The following UBASH3B variants were observed in gnomAD, a reference collection of about 807,000 sequenced individuals.
UBASH3B encodes the protein ubiquitin-associated and SH3 domain-containing protein B.
Under a neutral mutation model 83.4 loss-of-function variants are expected in UBASH3B, and 37 were observed. The ratio of observed to expected loss-of-function variants is 0.44; its 90% CI spans 0.34 to 0.58. The LOEUF is 0.58. UBASH3B is among the 20% of genes least tolerant of loss of function. The pLI, the probability that UBASH3B is intolerant of heterozygous loss-of-function variation, is 0.01. For synonymous variants in UBASH3B, 304 were observed against 318.3 expected (o/e 0.96, Z 0.48); for missense variants, 657 against 827.2 (o/e 0.79, Z 2.52).
chr11:122,664,438 A>G (rs61679561), intron 1 of UBASH3B, among the ~76,000 whole-genome samples: 51,370 of 151,944 alleles, frequency 0.34, 8,963 homozygotes, highest in Non-Finnish European at 0.38. Context: ...TGAGATGACT[A>G]TGATCCTCAT....
chr11:122,768,506 G>GTGTGTGTA (rs1555144506), intron 1 of UBASH3B, among the ~76,000 whole-genome samples: 1 of 126,104 alleles, frequency 7.9e-6, no homozygotes, highest in Non-Finnish European at 1.7e-5. Flanking sequence ...GTGTGTGTGT[G>GTGTGTGTA]TGTATATATA....
At chr11:122,690,604 A>G (rs1863882367) in intron 1 of UBASH3B, among the ~76,000 whole-genome samples, 1 of 152,096 alleles carries the variant, frequency 6.6e-6, no homozygotes, top group African/African-American at 2.4e-5. Flanking sequence ...ATCCCTTGCC[A>G]ATATCTTCTG....
chr11:122,699,531 C>CTCTTTTTCTT (rs1555137138), intron 1 of UBASH3B, among the ~76,000 whole-genome samples: 2 of 107,866 alleles, frequency 1.9e-5, no homozygotes, highest in African/African-American at 3.5e-5. Context: ...TTCTTTCTTT[C>CTCTTTTTCTT]TCTTTCTTTC....
intron 1 of UBASH3B, among the ~76,000 whole-genome samples, chr11:122,724,556 G>A: frequency 6.6e-6 from 1 of 152,184 alleles, no homozygotes; most frequent in East Asian, 1.9e-4. Context: ...TCAGAGGACT[G>A]CGGGGACACA....
intron 1 of UBASH3B, chr11:122,775,511 A>G (rs959236549): frequency 1.5e-4 from 23 of 152,264 alleles, no homozygotes; most frequent in Admixed American, 1.3e-4. Flanking sequence ...GAGGGAGGCA[A>G]TGAATTGATC....
chr11:122,659,610 T>A (rs762444404), intron 1 of UBASH3B, among the ~76,000 whole-genome samples: 49 of 152,358 alleles, frequency 3.2e-4, no homozygotes, highest in Non-Finnish European at 4.4e-4. Context: ...CGGGCTTAGC[T>A]CATCAGAAGC....
In UBASH3B at chr11:122,792,301, T is replaced by TTG. The variant is rs774103956; in HGVS notation, c.981-2400_981-2399insGT. Among the ~76,000 whole-genome samples the TTG allele has an allele frequency of 4.8e-3, 535 of 111,874 alleles. 3 individuals carry two copies. Among genetic ancestry groups the TTG allele is most frequent in the Non-Finnish European group, 8.5e-3 (432 of 50,944 alleles). 73.4% of individuals were successfully genotyped at this position (111,874 alleles called of 152,430 possible). ...AGTCAGACAATAAAACTGGATTTTC[T>TTG]TTTTTTTTTTCTTTTTTTTTTTTTT... On this transcript the variant is annotated intron_variant, in intron 6 of 13. Coordinates refer to ENST00000284273, the MANE Select transcript of UBASH3B (RefSeq NM_032873.5).
chr11:122,682,578 G>A (rs1276235663), intron 1 of UBASH3B, among the ~76,000 whole-genome samples: 1 of 152,118 alleles, frequency 6.6e-6, no homozygotes, highest in Non-Finnish European at 1.5e-5. Context: ...TGAGATGCAC[G>A]TCTCTTTCTA....
chr11:122,785,336 G>A (rs1027162103), intron 5 of UBASH3B, among the ~76,000 whole-genome samples: 2 of 152,170 alleles, frequency 1.3e-5, no homozygotes, highest in Non-Finnish European at 2.9e-5. Context: ...GTCTGCACAC[G>A]TAACCCTCTT....
intron 3 of UBASH3B, 173 bp from the exon 4 acceptor site, chr11:122,779,324 T>A: frequency 1.5e-6 from 1 of 670,244 alleles, no homozygotes; most frequent in South Asian, 1.8e-5. Flanking sequence ...GGGTAATCTG[T>A]GTCTGAATAA....
intron 1 of UBASH3B, among the ~76,000 whole-genome samples, chr11:122,702,650 G>A (rs183302954): frequency 2.6e-5 from 4 of 151,836 alleles, no homozygotes; most frequent in Admixed American, 1.3e-4. Context: ...TCAGCCTCTC[G>A]AGTAGCTGAG....
At chr11:122,703,150 G>T (rs1229143128) in intron 1 of UBASH3B, among the ~76,000 whole-genome samples, 1 of 152,024 alleles carries the variant, frequency 6.6e-6, no homozygotes, top group Non-Finnish European at 1.5e-5. Context: ...TCTTTGGCCG[G>T]GCACGGTGGC....
chr11:122,678,395 GTCTGGCTGACCCATGT>G (rs1296094859), intron 1 of UBASH3B, among the ~76,000 whole-genome samples: 1 of 152,162 alleles, frequency 6.6e-6, no homozygotes, highest in Non-Finnish European at 1.5e-5. Context: ...GCCTAGATCT[GTCTGGCTGACCCATGT>G]TCCTTTGAGT....
At chr11:122,743,655 T>C (rs1861063809) in intron 1 of UBASH3B, among the ~76,000 whole-genome samples, 1 of 152,172 alleles carries the variant, frequency 6.6e-6, no homozygotes. Flanking sequence ...GAACACAAAG[T>C]GCTGCAAGGA....
chr11:122,687,345 GCCTGATTCTTAT>G (rs1863822244), intron 1 of UBASH3B, among the ~76,000 whole-genome samples: 1 of 152,138 alleles, frequency 6.6e-6, no homozygotes, highest in Non-Finnish European at 1.5e-5. Flanking sequence ...CTGGCAACTT[GCCTGATTCTTAT>G]TTAGCAGTGA....
chr11:122,714,811 C>T (rs1235123222), intron 1 of UBASH3B, among the ~76,000 whole-genome samples: 2 of 152,186 alleles, frequency 1.3e-5, no homozygotes, highest in Non-Finnish European at 1.5e-5. Context: ...TGTCTGAGCC[C>T]GGGATGCACT....
chr11:122,701,175 C>T (rs1490290517), intron 1 of UBASH3B, among the ~76,000 whole-genome samples: 1 of 152,142 alleles, frequency 6.6e-6, no homozygotes, highest in African/African-American at 2.4e-5. Context: ...TTGTCCAAGA[C>T]GTTAATAACT....
chr11:122,665,221 A>G (rs1055591667), intron 1 of UBASH3B, among the ~76,000 whole-genome samples: 1 of 151,936 alleles, frequency 6.6e-6, no homozygotes, highest in Non-Finnish European at 1.5e-5. Flanking sequence ...TCTGTCTCCC[A>G]GGCTACAGTG....
chr11:122,796,572 T>C (rs77323145), intron 8 of UBASH3B, among the ~76,000 whole-genome samples: 1,535 of 152,250 alleles, frequency 0.01, 23 homozygotes, highest in African/African-American at 0.034. Flanking sequence ...GTTCCTGCCA[T>C]TAAATCTCCC....
Sources: allele counts gnomAD v4.1 joint callset (sites outside exome capture counted in the v4.1 genomes callset), GRCh38; gene constraint gnomAD v4.1.1; transcripts MANE v1.5; gene names NCBI Gene and HGNC (gene_info 2026-07-23, HGNC 2026-07-21).